The following GNAL variants were observed in gnomAD, a reference collection of about 807,000 sequenced individuals.
GNAL encodes the protein guanine nucleotide-binding protein G(olf) subunit alpha.
In GNAL, 18 loss-of-function variants were observed where a neutral mutation model predicts 55.1. The ratio of observed to expected loss-of-function variants is 0.33; its 90% confidence interval spans 0.23 to 0.48. GNAL has a LOEUF of 0.48. Among genes scored for constraint, GNAL ranks in the 20% least tolerant of loss-of-function variants. GNAL has a pLI of 0.99. For synonymous variants in GNAL, 253 were observed against 237.0 expected, an observed-to-expected ratio of 1.07 and a Z score of -0.62; for missense variants, 412 against 614.1, an observed-to-expected ratio of 0.67 and a Z score of 3.48.
intron 1 of GNAL, among the ~76,000 whole-genome samples, chr18:11,738,751 G>C (rs1002987042): frequency 5.9e-5 from 9 of 152,122 alleles, no homozygotes; most frequent in African/African-American, 1.9e-4. Flanking sequence ...GCCCAGCCAA[G>C]CCTTTCCTCT....
At chr18:11,705,144 G>C (rs1210677113) in intron 1 of GNAL, among the ~76,000 whole-genome samples, 1 of 152,144 alleles carries the variant, frequency 6.6e-6, no homozygotes, top group Non-Finnish European at 1.5e-5. Context: ...AGAAACAACC[G>C]TGCTACTCTT....
chr18:11,830,880 A>G (rs1304610116), intron 5 of GNAL, among the ~76,000 whole-genome samples: 1 of 152,222 alleles, frequency 6.6e-6, no homozygotes, highest in Non-Finnish European at 1.5e-5. Context: ...AGACACAAAA[A>G]AGACACATAT....
Position 11,771,271 on chromosome 18 carries a change from G to A in GNAL, c.624+17326G>A, listed in dbSNP as rs181899064. Among the ~76,000 whole-genome samples the A allele has an allele frequency of 3.1e-3, 467 of 151,320 alleles. 1 individual carries two copies. The highest frequency in any genetic ancestry group is 0.011 in the African/African-American group (450 of 41,356). On this transcript the variant is annotated intron_variant, in intron 4 of 11. Coordinates refer to ENST00000334049, the MANE Select transcript of GNAL (RefSeq NM_182978.4). ...ATCATTAGTGTTTCTTATTTCTTTG[G>A]TTAAAATGTTATAGTGAGTAGTGTG...
chr18:11,832,327 C>T (rs1326026701), intron 5 of GNAL, among the ~76,000 whole-genome samples: 1 of 152,130 alleles, frequency 6.6e-6, no homozygotes, highest in African/African-American at 2.4e-5. Context: ...AGGAGAGACA[C>T]TATCCCAGAA....
At chr18:11,787,025 A>C (rs2034081847) in intron 4 of GNAL, among the ~76,000 whole-genome samples, 4 of 152,098 alleles carry the variant, frequency 2.6e-5, no homozygotes, top group Admixed American at 2.6e-4. Flanking sequence ...GGATCGCTTG[A>C]GGCCAGGAGT....
intron 5 of GNAL, among the ~76,000 whole-genome samples, chr18:11,861,401 G>A (rs547405304): frequency 6.6e-5 from 10 of 152,176 alleles, no homozygotes; most frequent in South Asian, 4.1e-4. Flanking sequence ...TGTCCCAGCC[G>A]CGGAAGGAGA....
At chr18:11,696,001 T>C (rs973570946) in intron 1 of GNAL, among the ~76,000 whole-genome samples, 1 of 152,142 alleles carries the variant, frequency 6.6e-6, no homozygotes, top group Non-Finnish European at 1.5e-5. Flanking sequence ...TTTTGATGAC[T>C]TTTTTCCCAA....
intron 1 of GNAL, among the ~76,000 whole-genome samples, chr18:11,695,764 C>G (rs905027099): frequency 6.6e-6 from 1 of 151,912 alleles, no homozygotes; most frequent in Non-Finnish European, 1.5e-5. Context: ...TTTGCTATTT[C>G]TCTGTCTGGA....
chr18:11,705,982 T>C (rs368300652), intron 1 of GNAL, among the ~76,000 whole-genome samples: 2 of 152,146 alleles, frequency 1.3e-5, no homozygotes, highest in East Asian at 3.9e-4. Context: ...CTTGAACTCC[T>C]GACTTCAAGT....
intron 4 of GNAL, among the ~76,000 whole-genome samples, chr18:11,824,038 A>G (rs2035173947): frequency 6.6e-6 from 1 of 152,196 alleles, no homozygotes; most frequent in Non-Finnish European, 1.5e-5. Flanking sequence ...ATCACAATTC[A>G]CACTTAACTC....
intron 4 of GNAL, among the ~76,000 whole-genome samples, chr18:11,767,770 T>C (rs1437756898): frequency 6.6e-6 from 1 of 152,224 alleles, no homozygotes; most frequent in Admixed American, 6.5e-5. Context: ...TATTTTTGCG[T>C]GCTCCATCCC....
At chr18:11,764,024 A>G (rs1321911834) in intron 4 of GNAL, among the ~76,000 whole-genome samples, 4 of 152,220 alleles carry the variant, frequency 2.6e-5, no homozygotes, top group Non-Finnish European at 4.4e-5. Context: ...GTCTGCTTCT[A>G]TATAGATGCC....
intron 4 of GNAL, among the ~76,000 whole-genome samples, chr18:11,794,759 T>TAA (rs775143875): frequency 0.016 from 1,456 of 90,298 alleles, 33 homozygotes; most frequent in African/African-American, 0.056. Context: ...ACACACAGGT[T>TAA]AAAAAAAAAA....
At position 11,867,232 on chromosome 18, in the gene GNAL, T is replaced by C. The variant is rs377366691; in HGVS notation, c.910+6T>C. On this transcript the variant is annotated splice_donor_region_variant and intron_variant, in intron 8 of 11. Coordinates refer to ENST00000334049, the MANE Select transcript of GNAL (RefSeq NM_182978.4). Reference sequence around the variant, plus strand: ...ATGGATCCAGTGCTTTAACGGTGATTTTTTTATGCTCTCTCAAGAAAATAG... The same window carrying C: ...ATGGATCCAGTGCTTTAACGGTGATCTTTTTATGCTCTCTCAAGAAAATAG... The C allele has an allele frequency of 3.2e-6, 5 of 1,575,098 alleles. No individual in the cohort carries two copies. The highest frequency in any genetic ancestry group is 1.1e-5 in the South Asian group (1 of 90,220).
In GNAL at chr18:11,709,135, C is replaced by T. The variant is rs146497358; in HGVS notation, c.376+19196C>T. Among the ~76,000 whole-genome samples, 37 of 152,120 alleles carry T rather than the reference C, an allele frequency of 2.4e-4. 1 individual carries two copies. Among genetic ancestry groups the T allele is most frequent in the Middle Eastern group, 6.8e-3 (2 of 294 alleles). On this transcript the variant is annotated intron_variant, in intron 1 of 11. Transcript: ENST00000334049. ...CTATATTTGTGGATTTATTTCTGGACTCTCTATTCTCTTCCATTGGTTTAT... is the reference window on the plus strand; with the variant it reads ...CTATATTTGTGGATTTATTTCTGGATTCTCTATTCTCTTCCATTGGTTTAT...
chr18:11,759,105 G>T (rs9947140), intron 4 of GNAL, among the ~76,000 whole-genome samples: 9 of 152,096 alleles, frequency 5.9e-5, no homozygotes, highest in African/African-American at 2.2e-4. Context: ...CCCAGGAGGC[G>T]GAGGTTGCAG....
At chr18:11,807,179 G>A (rs2034686729) in intron 4 of GNAL, among the ~76,000 whole-genome samples, 2 of 151,828 alleles carry the variant, frequency 1.3e-5, no homozygotes, top group South Asian at 4.2e-4. Context: ...AAGAAAGAAA[G>A]AAAAGAACAA....
At chr18:11,690,068 C>G (rs2031192896) in intron 1 of GNAL, 129 bp downstream of exon 1, 1 of 450,230 alleles carries the variant, frequency 2.2e-6, no homozygotes, top group African/African-American at 2.6e-5. Context: ...AATCCCGGGA[C>G]TGGACCCGGA....
chr18:11,820,087 A>G lies in GNAL; in HGVS notation c.625-4831A>G, dbSNP rs978054680. 9.9e-5 allele frequency among the ~76,000 whole-genome samples: 15 copies of G among 152,230 alleles called. No homozygotes were observed. In the East Asian group the frequency reaches 2.5e-3, roughly 25 times the overall value. On this transcript the variant is annotated intron_variant, in intron 4 of 11. Transcript: ENST00000334049. ...GTTGATATAATTGTGAGAAAGGGCT[A>G]TTTTAGTAAGGTTTGCTTATGCAGA...
Sources: gnomAD v4.1 joint callset for allele counts (sites outside exome capture counted in the v4.1 genomes callset) on GRCh38, gnomAD v4.1.1 for gene constraint, MANE v1.5 for transcripts, NCBI Gene and HGNC (gene_info 2026-07-23, HGNC 2026-07-21) for gene names.